The following HS3ST4 variants were observed in gnomAD, a reference collection of about 807,000 sequenced individuals.
The protein encoded by HS3ST4 is heparan sulfate-glucosamine 3-sulfotransferase 4.
In HS3ST4, 17 loss-of-function variants were observed where a neutral mutation model predicts 29.2. The observed-to-expected ratio is 0.58, with a 90% CI of 0.40 to 0.87. The LOEUF is 0.87. Among genes scored for constraint, HS3ST4 ranks in the 40% least tolerant of loss-of-function variants. The pLI is 0.00. For missense variants in HS3ST4, 627 were observed against 634.5 expected (o/e 0.99, Z 0.13); for synonymous variants, 314 against 285.7 (o/e 1.10, Z -1.00).
At chr16:25,762,598 C>T (rs1424453286) in intron 1 of HS3ST4, among the ~76,000 whole-genome samples, 1 of 151,938 alleles carries the variant, frequency 6.6e-6, no homozygotes, top group Non-Finnish European at 1.5e-5. Context: ...CACCTGCAAC[C>T]CCAGCACACC....
intron 1 of HS3ST4, among the ~76,000 whole-genome samples, chr16:25,769,134 C>T (rs1596565347): frequency 6.6e-6 from 1 of 152,084 alleles, no homozygotes; most frequent in South Asian, 2.1e-4. Context: ...GAGTTCTGTC[C>T]TTCGCCAAGC....
At chr16:25,901,623 G>A (rs1326177400) in intron 1 of HS3ST4, among the ~76,000 whole-genome samples, 1 of 152,186 alleles carries the variant, frequency 6.6e-6, no homozygotes, top group Non-Finnish European at 1.5e-5. Context: ...GCAATGAGCC[G>A]AGATCGTGCC....
chr16:25,704,990 G>A (rs1264147038), intron 1 of HS3ST4, among the ~76,000 whole-genome samples: 2 of 152,098 alleles, frequency 1.3e-5, no homozygotes, highest in Non-Finnish European at 2.9e-5. Context: ...CCGAGGTGCT[G>A]GGATTACCTG....
Position 25,692,456 on chromosome 16 carries a change from G to T in HS3ST4, c.39G>T (p.Pro13=). 10 of 1,317,290 alleles carry T rather than the reference G, an allele frequency of 7.6e-6. No homozygotes were observed. The highest frequency in any genetic ancestry group is 8.8e-6 in the Non-Finnish European group (9 of 1,020,256). The allele number at this position is 1,317,290 out of a possible 1,614,324, so 81.6% of individuals were successfully genotyped here. A position where few individuals can be genotyped will look rare whatever the true frequency, so the allele number is the denominator to read the frequency against. The stretch of plus-strand genomic sequence containing the variant: ...CCGCACCTCCTCCGCCTCCGCCTCC[G>T]CCTCCACCTCTGGCCGCGCCGCCGC... ...RWPAPPPPPP[P]PPPLAAPPPP... is the part of the protein sequence containing the mutation. Residue 13 remains proline, a synonymous_variant, in exon 1 of 2, where the codon CCG becomes CCT. Coordinates refer to ENST00000331351, the MANE Select transcript of HS3ST4 (RefSeq NM_006040.3).
chr16:25,700,575 C>A (rs570525447), intron 1 of HS3ST4, among the ~76,000 whole-genome samples: 18 of 152,180 alleles, frequency 1.2e-4, no homozygotes, highest in Admixed American at 7.9e-4. Context: ...AGAGAGGCCT[C>A]GAGACTTTAG....
intron 1 of HS3ST4, among the ~76,000 whole-genome samples, chr16:25,711,970 A>G (rs1966418588): frequency 6.6e-6 from 1 of 152,224 alleles, no homozygotes; most frequent in Non-Finnish European, 1.5e-5. Flanking sequence ...TACATAATTT[A>G]TTTCAAAAAT....
At chr16:25,987,491 G>A (rs747834977) in intron 1 of HS3ST4, among the ~76,000 whole-genome samples, 2 of 152,194 alleles carry the variant, frequency 1.3e-5, no homozygotes, top group Non-Finnish European at 2.9e-5. Flanking sequence ...ATTCCAAAAC[G>A]GATAAATGGC....
intron 1 of HS3ST4, among the ~76,000 whole-genome samples, chr16:26,020,392 C>T (rs562177834): frequency 5.3e-5 from 8 of 152,288 alleles, no homozygotes; most frequent in Non-Finnish European, 1.2e-4. Flanking sequence ...TGTGTCTCCC[C>T]TCCCTAAGCA....
chr16:25,881,164 A>G (rs1967891904), intron 1 of HS3ST4, among the ~76,000 whole-genome samples: 1 of 152,226 alleles, frequency 6.6e-6, no homozygotes, highest in African/African-American at 2.4e-5. Context: ...GTAGGAGACA[A>G]GAATGAGAAC....
At chr16:25,949,080 C>T (rs777863837) in intron 1 of HS3ST4, among the ~76,000 whole-genome samples, 3 of 151,002 alleles carry the variant, frequency 2.0e-5, no homozygotes, top group East Asian at 1.9e-4. Context: ...TTTTAGTTTT[C>T]GTGGGTACAT....
intron 1 of HS3ST4, among the ~76,000 whole-genome samples, chr16:26,113,496 G>GTGTGTC (rs1899162182): frequency 6.6e-6 from 1 of 151,340 alleles, no homozygotes; most frequent in Non-Finnish European, 1.5e-5. Context: ...GTGTGTGTGT[G>GTGTGTC]TGTGTGTGTG....
chr16:26,109,733 T>C (rs376354394), intron 1 of HS3ST4, among the ~76,000 whole-genome samples: 159 of 147,944 alleles, frequency 1.1e-3, no homozygotes, highest in Middle Eastern at 6.9e-3. Context: ...TTTTTTTTTC[T>C]GTTTTTAGAC....
intron 1 of HS3ST4, among the ~76,000 whole-genome samples, chr16:26,023,717 T>C (rs899225367): frequency 1.3e-5 from 2 of 152,126 alleles, no homozygotes; most frequent in African/African-American, 4.8e-5. Context: ...AATAATTTAA[T>C]GTGCATAAAG....
intron 1 of HS3ST4, among the ~76,000 whole-genome samples, chr16:26,058,002 T>A (rs1037237473): frequency 6.6e-6 from 1 of 151,190 alleles, no homozygotes; most frequent in Admixed American, 6.6e-5. Context: ...TCGAGTTTGA[T>A]GGCAATCTGA....
chr16:26,060,385 C>T (rs143534932), intron 1 of HS3ST4, among the ~76,000 whole-genome samples: 1 of 152,150 alleles, frequency 6.6e-6, no homozygotes, highest in African/African-American at 2.4e-5. Flanking sequence ...AATTCTACAC[C>T]AGCTCGTCTT....
At chr16:25,749,222 A>G (rs971688001) in intron 1 of HS3ST4, among the ~76,000 whole-genome samples, 2 of 152,180 alleles carry the variant, frequency 1.3e-5, no homozygotes, top group East Asian at 1.9e-4. Context: ...GGCCGGGTGC[A>G]GTGGCTCACA....
chr16:25,997,434 A>G (rs1362956458), intron 1 of HS3ST4, among the ~76,000 whole-genome samples: 1 of 152,210 alleles, frequency 6.6e-6, no homozygotes, highest in Non-Finnish European at 1.5e-5. Context: ...CTGAACTCAA[A>G]TGAGTTAAAG....
Position 25,899,628 on chromosome 16 carries a change from C to A in HS3ST4, c.734+206477C>A, listed in dbSNP as rs367688021. 2.6e-4 allele frequency among the ~76,000 whole-genome samples: 40 copies of A among 152,146 alleles called. No individual in the cohort carries two copies. The East Asian group carries it at 6.0e-3, about 23-fold the overall frequency. On this transcript the variant is annotated intron_variant, in intron 1 of 1. Coordinates refer to ENST00000331351, the MANE Select transcript of HS3ST4 (RefSeq NM_006040.3). ...TCAAGCAATTTTCCTGTGTCAGCCT[C>A]CCAAGTAGCTGGGATTACAGGCGCA...
intron 1 of HS3ST4, among the ~76,000 whole-genome samples, chr16:26,127,600 A>C (rs539003558): frequency 6.6e-6 from 1 of 152,210 alleles, no homozygotes; most frequent in Non-Finnish European, 1.5e-5. Flanking sequence ...TGTCACACTG[A>C]ATGGGGTTAA....
Sources: gnomAD v4.1 joint callset for allele counts (sites outside exome capture counted in the v4.1 genomes callset) on GRCh38, gnomAD v4.1.1 for gene constraint, MANE v1.5 for transcripts, NCBI Gene and HGNC (gene_info 2026-07-23, HGNC 2026-07-21) for gene names.